The following KRT8 variants were observed in gnomAD, a reference collection of about 807,000 sequenced individuals.
KRT8 encodes keratin 8, also known as keratin, type II cytoskeletal 8.
KRT8 carries 24 observed loss-of-function variants against 43.0 expected under a neutral mutation model. That is an observed-to-expected ratio of 0.56 (90% CI 0.40 to 0.78). The LOEUF is 0.78. KRT8 is among the 30% of genes least tolerant of loss of function. KRT8 has a pLI of 0.00. For synonymous variants in KRT8, 214 were observed against 261.2 expected, an observed-to-expected ratio of 0.82 and a Z score of 1.74; for missense variants, 492 against 638.4, an observed-to-expected ratio of 0.77 and a Z score of 2.47.
upstream of KRT8, among the ~76,000 whole-genome samples, chr12:52,911,640 G>A (rs1030909048): frequency 3.9e-5 from 6 of 152,202 alleles, no homozygotes; most frequent in African/African-American, 1.4e-4. Context: ...ATGAGGCACA[G>A]AGATGTTAAG....
chr12:52,898,846 G>A (rs1941286630), exon 6 of KRT8: 1 of 1,613,426 alleles, frequency 6.2e-7, no homozygotes, highest in South Asian at 1.1e-5. Flanking sequence ...CATCCTTAAT[G>A]GCCAGCTCTC....
At chr12:52,940,625 ATTT>A (rs71092795) in intron 2 of KRT8, among the ~76,000 whole-genome samples, 20 of 127,546 alleles carry the variant, frequency 1.6e-4, no homozygotes, top group Middle Eastern at 4.1e-3. Context: ...AACACAGTGG[ATTT>A]TTTTTTTTTT....
chr12:52,949,829 G>C (rs867557553), exon 1 of KRT8: 2 of 704,100 alleles, frequency 2.8e-6, no homozygotes, highest in Non-Finnish European at 5.2e-6. Flanking sequence ...CTTTACAGAG[G>C]AAGTGGACAG....
chr12:52,907,966 G>A (rs1941557570), upstream of KRT8, among the ~76,000 whole-genome samples: 1 of 152,212 alleles, frequency 6.6e-6, no homozygotes, highest in South Asian at 2.1e-4. Context: ...GGACAAAAGG[G>A]AACAACGTGT....
At chr12:52,918,525 G>A (rs552414722) in intron 2 of KRT8, among the ~76,000 whole-genome samples, 1 of 152,344 alleles carries the variant, frequency 6.6e-6, no homozygotes, top group East Asian at 1.9e-4. Flanking sequence ...CCCCGAGCCT[G>A]CCCATGCATG....
At chr12:52,914,864 G>A (rs1468504787) in intron 2 of KRT8, among the ~76,000 whole-genome samples, 3 of 152,130 alleles carry the variant, frequency 2.0e-5, no homozygotes, top group Non-Finnish European at 2.9e-5. Context: ...CCTGCTGCAG[G>A]AAGGGCGACC....
At chr12:52,931,153 C>T (rs1166156167) in intron 2 of KRT8, among the ~76,000 whole-genome samples, 3 of 151,548 alleles carry the variant, frequency 2.0e-5, no homozygotes, top group South Asian at 2.1e-4. Context: ...CTGCAAGCTC[C>T]GCCTCCCGGG....
upstream of KRT8, among the ~76,000 whole-genome samples, chr12:52,907,454 G>T (rs1941544910): frequency 6.6e-6 from 1 of 152,176 alleles, no homozygotes; most frequent in Non-Finnish European, 1.5e-5. Context: ...CTCAGGTCCT[G>T]ATCTAGGCAG....
chr12:52,934,056 G>A (rs534451979), intron 2 of KRT8, among the ~76,000 whole-genome samples: 4 of 149,708 alleles, frequency 2.7e-5, no homozygotes, highest in South Asian at 4.3e-4. Context: ...GGTGAAACCC[G>A]GTCTCTAACT....
upstream of KRT8, among the ~76,000 whole-genome samples, chr12:52,909,028 AAAT>A (rs1941579220): frequency 6.6e-6 from 1 of 152,296 alleles, no homozygotes; most frequent in Middle Eastern, 3.4e-3. Flanking sequence ...ATAAATAAAT[AAAT>A]AAACAAATTT....
chr12:52,925,757 G>A (rs899830895), intron 2 of KRT8, among the ~76,000 whole-genome samples: 2 of 152,096 alleles, frequency 1.3e-5, no homozygotes, highest in African/African-American at 4.8e-5. Context: ...GAGTTCTAGG[G>A]TTTATGCACA....
chr12:52,938,149 TATATATATATATATATA>T (rs1565732848), intron 2 of KRT8, among the ~76,000 whole-genome samples: 1 of 35,790 alleles, frequency 2.8e-5, no homozygotes, highest in Non-Finnish European at 5.0e-5. Flanking sequence ...TATATATATA[TATATATATATATATATA>T]TATATTTTTT....
chr12:52,908,754 C>G (rs1325140885), upstream of KRT8, among the ~76,000 whole-genome samples: 1 of 152,112 alleles, frequency 6.6e-6, no homozygotes, highest in African/African-American at 2.4e-5. Flanking sequence ...ACCTATAATC[C>G]CAGCACTTTG....
At chr12:52,908,997 G>T (rs1941578834), upstream of KRT8, among the ~76,000 whole-genome samples, 1 of 152,114 alleles carries the variant, frequency 6.6e-6, no homozygotes, top group Non-Finnish European at 1.5e-5. Context: ...GTGGGAGACA[G>T]AGTGAAACTC....
chr12:52,914,345 T>G (rs1407045514), intron 2 of KRT8, among the ~76,000 whole-genome samples: 3 of 152,122 alleles, frequency 2.0e-5, no homozygotes, highest in Non-Finnish European at 4.4e-5. Flanking sequence ...GAGACCAGCC[T>G]GACCAACATG....
At chr12:52,948,389 A>G (rs942763549) in intron 2 of KRT8, 1 of 152,470 alleles carries the variant, frequency 6.6e-6, no homozygotes, top group African/African-American at 2.4e-5. Context: ...GATGCCCCCA[A>G]GATCCCCTCC....
chr12:52,940,840 T>C (rs1467366581), intron 2 of KRT8, among the ~76,000 whole-genome samples: 1 of 151,620 alleles, frequency 6.6e-6, no homozygotes, highest in African/African-American at 2.4e-5. Context: ...CTTGGCCAGG[T>C]TGGTCTTGAA....
In KRT8 at chr12:52,932,122, C is replaced by T. The variant is rs867973033; in HGVS notation, c.-47+17334G>A. On this transcript the variant is annotated intron_variant, in intron 2 of 6. Coordinates refer to the KRT8 transcript ENST00000546826. The stretch of plus-strand genomic sequence containing the variant: ...TTTTTTTTTTTTTTTGAGATGGAGT[C>T]TCACTCTGTCACCCAGGCTGGAGTG... 8.0e-5 allele frequency among the ~76,000 whole-genome samples: 11 copies of T among 138,332 alleles called. 1 individual carries two copies. The highest frequency in any genetic ancestry group is 2.2e-4 in the African/African-American group (8 of 36,132). The allele number at this position is 138,332 out of a possible 152,430, so 90.8% of individuals were successfully genotyped here.
intron 2 of KRT8, chr12:52,948,496 T>TTC (rs1942388180): frequency 9.3e-6 from 1 of 107,754 alleles, no homozygotes; most frequent in Non-Finnish European, 1.8e-5. Flanking sequence ...TCTTTTTTCT[T>TTC]TTTTTTTTTT....
Sources: allele counts gnomAD v4.1 joint callset (sites outside exome capture counted in the v4.1 genomes callset), GRCh38; gene constraint gnomAD v4.1.1; transcripts MANE v1.5; gene names NCBI Gene and HGNC (gene_info 2026-07-23, HGNC 2026-07-21).